RBFOX1: variants seen among roughly 807,000 people sequenced by gnomAD.
RBFOX1 encodes RNA binding fox-1 homolog 1.
Under a neutral mutation model 57.7 loss-of-function variants are expected in RBFOX1, and 8 were observed. That is an observed-to-expected ratio of 0.14 (90% CI 0.08 to 0.25). The LOEUF is 0.25. Ranked by LOEUF, RBFOX1 falls within the 10% of genes least tolerant of loss-of-function variation. The pLI, the probability that RBFOX1 is intolerant of heterozygous loss-of-function variation, is 1.00. For missense variants in RBFOX1, 611 were observed against 548.5 expected (o/e 1.11, Z -1.14); for synonymous variants, 326 against 222.4 (o/e 1.47, Z -4.15).
intron 3 of RBFOX1, among the ~76,000 whole-genome samples, chr16:6,787,151 G>A (rs1399355899): frequency 6.6e-6 from 1 of 152,142 alleles, no homozygotes; most frequent in Non-Finnish European, 1.5e-5. Context: ...AAGAAACGTT[G>A]ATGAAACATT....
chr16:5,658,065 C>A (rs2049511998), intron 3 of RBFOX1, among the ~76,000 whole-genome samples: 2 of 152,122 alleles, frequency 1.3e-5, no homozygotes. Context: ...ATTTCGTGAT[C>A]CAGACTCCAG....
chr16:6,356,295 C>G (rs541143782), intron 2 of RBFOX1, among the ~76,000 whole-genome samples: 50 of 152,266 alleles, frequency 3.3e-4, no homozygotes, highest in African/African-American at 1.1e-3. Flanking sequence ...ACATCCTCAG[C>G]CAACAGATCA....
chr16:7,146,110 G>A (rs12448794), intron 4 of RBFOX1, among the ~76,000 whole-genome samples: 15,283 of 152,184 alleles, frequency 0.1, 777 homozygotes, highest in Middle Eastern at 0.13. Context: ...AACTTTGCCT[G>A]TCAAAGCTTG....
intron 3 of RBFOX1, among the ~76,000 whole-genome samples, chr16:6,783,787 C>G (rs1412480072): frequency 6.6e-6 from 1 of 152,134 alleles, no homozygotes; most frequent in African/African-American, 2.4e-5. Flanking sequence ...CCCTGTCTTT[C>G]ATATTGAAGA....
At chr16:7,057,521 G>A (rs1428853554) in intron 4 of RBFOX1, among the ~76,000 whole-genome samples, 2 of 152,122 alleles carry the variant, frequency 1.3e-5, no homozygotes, top group Non-Finnish European at 2.9e-5. Flanking sequence ...CCGGTATAGG[G>A]ACTAACCATC....
At chr16:5,510,138 G>C (rs1384249800) in intron 2 of RBFOX1, among the ~76,000 whole-genome samples, 1 of 152,204 alleles carries the variant, frequency 6.6e-6, no homozygotes, top group East Asian at 1.9e-4. Flanking sequence ...CTGTGTAACT[G>C]GGGCTGGTTA....
intron 5 of RBFOX1, among the ~76,000 whole-genome samples, chr16:7,536,299 C>T (rs1023622364): frequency 6.6e-6 from 1 of 152,178 alleles, no homozygotes; most frequent in Non-Finnish European, 1.5e-5. Context: ...TGACTTTTAA[C>T]ATGAAAATTA....
chr16:5,444,962 T>C (rs948652575), intron 1 of RBFOX1, among the ~76,000 whole-genome samples: 1 of 152,146 alleles, frequency 6.6e-6, no homozygotes, highest in Non-Finnish European at 1.5e-5. Context: ...TGGCAAGACA[T>C]GGTTAGCTCT....
chr16:7,167,268 G>A (rs1022504787), intron 4 of RBFOX1, among the ~76,000 whole-genome samples: 1 of 151,858 alleles, frequency 6.6e-6, no homozygotes, highest in Non-Finnish European at 1.5e-5. Context: ...TTACAGGTGT[G>A]AGCCACCACA....
chr16:6,871,809 C>T (rs1455777947), intron 3 of RBFOX1, among the ~76,000 whole-genome samples: 1 of 152,068 alleles, frequency 6.6e-6, no homozygotes, highest in Non-Finnish European at 1.5e-5. Flanking sequence ...GAAATGTTGT[C>T]AGTGGCCCTC....
intron 4 of RBFOX1, among the ~76,000 whole-genome samples, chr16:7,148,612 C>A (rs764984108): frequency 6.6e-6 from 1 of 152,168 alleles, no homozygotes; most frequent in African/African-American, 2.4e-5. Flanking sequence ...AACAATTCAC[C>A]CTTTCCCTTG....
chr16:7,592,953 C>G (rs964560179), intron 7 of RBFOX1, among the ~76,000 whole-genome samples: 10 of 149,854 alleles, frequency 6.7e-5, no homozygotes, highest in African/African-American at 9.8e-5. Flanking sequence ...GTAGCAGAGA[C>G]AATAGGTACA....
chr16:5,243,321 C>G lies in RBFOX1; in HGVS notation c.219+3216C>G, dbSNP rs1435861585. ...TAACTCACTGGAGTCACTGAAATCC[C>G]TGATGGACGCACCAGATAAAAGCAT... On this transcript the variant is annotated intron_variant, in intron 1 of 2. Coordinates refer to the RBFOX1 transcript ENST00000585867. Among the ~76,000 whole-genome samples, 2 of 152,152 alleles carry G rather than the reference C, an allele frequency of 1.3e-5. 1 individual carries two copies. The highest frequency in any genetic ancestry group is 2.9e-5 in the Non-Finnish European group (2 of 68,028).
chr16:6,529,464 C>G (rs938787024), intron 2 of RBFOX1, among the ~76,000 whole-genome samples: 1 of 151,972 alleles, frequency 6.6e-6, no homozygotes, highest in African/African-American at 2.4e-5. Context: ...GAGACTGAAG[C>G]AGGAAAATCG....
At chr16:6,326,470 A>C (rs930528705) in intron 2 of RBFOX1, among the ~76,000 whole-genome samples, 19 of 152,166 alleles carry the variant, frequency 1.2e-4, no homozygotes, top group African/African-American at 4.6e-4. Flanking sequence ...AGTATCCTAG[A>C]TACAAGTACT....
chr16:6,576,050 A>C (rs1392809789), intron 2 of RBFOX1, among the ~76,000 whole-genome samples: 1 of 152,150 alleles, frequency 6.6e-6, no homozygotes, highest in African/African-American at 2.4e-5. Context: ...GTTCAAAAAC[A>C]ATGACTAGCA....
intron 4 of RBFOX1, among the ~76,000 whole-genome samples, chr16:7,420,902 CAT>C (rs1172815017): frequency 6.3e-5 from 9 of 142,136 alleles, no homozygotes; most frequent in Admixed American, 2.2e-4. Flanking sequence ...TATATACACA[CAT>C]ATATATACAT....
In RBFOX1 at chr16:5,722,267, G is replaced by A. The variant is rs141722490; in HGVS notation, c.318+123306G>A. Among the ~76,000 whole-genome samples the A allele has an allele frequency of 1.2e-4, 19 of 152,296 alleles. No individual in the cohort carries two copies. In the East Asian group the frequency reaches 3.7e-3, roughly 29 times the overall value. On this transcript the variant is annotated intron_variant, in intron 3 of 19. Transcript: ENST00000641259. Reference sequence around the variant, plus strand: ...GAGGTGAGTTATTGTAACATAATTAGGCTACAGTGTATCTAATCTCTTACA... The same window carrying A: ...GAGGTGAGTTATTGTAACATAATTAAGCTACAGTGTATCTAATCTCTTACA...
At chr16:6,462,540 A>AT (rs1038412075) in intron 2 of RBFOX1, among the ~76,000 whole-genome samples, 1 of 152,026 alleles carries the variant, frequency 6.6e-6, no homozygotes, top group African/African-American at 2.4e-5. Context: ...GGATTTGTGT[A>AT]TTTTTTTCTT....
Sources: allele counts gnomAD v4.1 joint callset (sites outside exome capture counted in the v4.1 genomes callset), GRCh38; gene constraint gnomAD v4.1.1; transcripts MANE v1.5; gene names NCBI Gene and HGNC (gene_info 2026-07-23, HGNC 2026-07-21).